Variants in NRXN3 observed in about 807,000 individuals in gnomAD.
NRXN3 encodes the protein neurexin III.
Under a neutral mutation model 137.6 loss-of-function variants are expected in NRXN3, and 32 were observed. The observed-to-expected ratio is 0.23, with a 90% CI of 0.18 to 0.31. NRXN3 has a LOEUF of 0.31. Among genes scored for constraint, NRXN3 ranks in the 10% least tolerant of loss-of-function variants. The pLI is 1.00. For missense variants in NRXN3, 1,574 were observed against 2,062.5 expected (o/e 0.76, Z 4.59); for synonymous variants, 798 against 784.5 (o/e 1.02, Z -0.29).
At chr14:79,366,930 C>A (rs1225662746) in intron 15 of NRXN3, among the ~76,000 whole-genome samples, 1 of 148,158 alleles carries the variant, frequency 6.7e-6, no homozygotes, top group Admixed American at 6.7e-5. Flanking sequence ...TTTTTAAAAT[C>A]TTTTTCAATT....
chr14:78,983,492 C>T lies in NRXN3; in HGVS notation c.3143-4530C>T, dbSNP rs114022610. Reference sequence around the variant, plus strand: ...TTTGATTGGGGTATTTGTTTTCTTACTATTGAGTTGTTTGAGTTTCTTACA... The same window carrying T: ...TTTGATTGGGGTATTTGTTTTCTTATTATTGAGTTGTTTGAGTTTCTTACA... On this transcript the variant is annotated intron_variant, in intron 14 of 20. Transcript: ENST00000335750. 8.2e-3 allele frequency among the ~76,000 whole-genome samples: 1,254 copies of T among 152,130 alleles called. 12 individuals carry two copies. The highest frequency in any genetic ancestry group is 0.028 in the African/African-American group (1,181 of 41,514).
intron 1 of NRXN3, among the ~76,000 whole-genome samples, chr14:78,179,852 T>TTTTTTTTTTTTTG (rs2059655828): frequency 6.7e-6 from 1 of 149,738 alleles, no homozygotes; most frequent in Non-Finnish European, 1.5e-5. Flanking sequence ...GTTTTTTTTT[T>TTTTTTTTTTTTTG]TTTCTTGTTT....
intron 4 of NRXN3, among the ~76,000 whole-genome samples, chr14:78,541,867 G>T (rs563012838): frequency 6.6e-6 from 1 of 152,234 alleles, no homozygotes; most frequent in Admixed American, 6.5e-5. Flanking sequence ...CCTTCTAACA[G>T]TCTGGTCCCT....
At chr14:79,812,094 A>G (rs1017365689) in intron 20 of NRXN3, among the ~76,000 whole-genome samples, 2 of 152,160 alleles carry the variant, frequency 1.3e-5, no homozygotes, top group African/African-American at 4.8e-5. Context: ...TAGATCGACT[A>G]TTGTGGATTT....
intron 20 of NRXN3, among the ~76,000 whole-genome samples, chr14:79,835,687 G>C (rs1311151348): frequency 6.6e-6 from 1 of 152,182 alleles, no homozygotes; most frequent in Non-Finnish European, 1.5e-5. Flanking sequence ...CTGGATGAAA[G>C]ATATTTGTGG....
At chr14:79,015,702 C>A (rs1051571117) in intron 15 of NRXN3, among the ~76,000 whole-genome samples, 3 of 152,164 alleles carry the variant, frequency 2.0e-5, no homozygotes, top group Admixed American at 2.0e-4. Context: ...GAAATTATGA[C>A]ACAGAAAGAC....
At chr14:78,188,136 G>A (rs1038433677) in intron 1 of NRXN3, among the ~76,000 whole-genome samples, 3 of 152,156 alleles carry the variant, frequency 2.0e-5, no homozygotes, top group Non-Finnish European at 4.4e-5. Context: ...GCTAGTAAGT[G>A]TTACATCCGG....
intron 17 of NRXN3, among the ~76,000 whole-genome samples, chr14:79,674,872 T>A (rs1282353909): frequency 6.6e-6 from 1 of 152,052 alleles, no homozygotes; most frequent in Non-Finnish European, 1.5e-5. Flanking sequence ...AAATCTTCAT[T>A]CCAAATGCCT....
intron 4 of NRXN3, among the ~76,000 whole-genome samples, chr14:78,304,468 G>C (rs1390747726): frequency 6.6e-6 from 1 of 152,204 alleles, no homozygotes; most frequent in African/African-American, 2.4e-5. Context: ...CGTTGGGCAG[G>C]ACATGGCCAG....
chr14:78,250,869 A>G (rs1490497785), intron 2 of NRXN3, among the ~76,000 whole-genome samples: 1 of 152,158 alleles, frequency 6.6e-6, no homozygotes, highest in African/African-American at 2.4e-5. Context: ...CTGGATGCGG[A>G]TGATAAGCAA....
At chr14:79,659,260 G>A (rs527371663) in intron 16 of NRXN3, among the ~76,000 whole-genome samples, 27 of 151,420 alleles carry the variant, frequency 1.8e-4, no homozygotes, top group African/African-American at 5.1e-4. Context: ...ACTTGTTTTT[G>A]TTTTTAATAT....
At chr14:79,844,208 A>T (rs971251522) in intron 20 of NRXN3, among the ~76,000 whole-genome samples, 2 of 151,726 alleles carry the variant, frequency 1.3e-5, no homozygotes, top group Non-Finnish European at 2.9e-5. Flanking sequence ...TATTTCCACC[A>T]TATCTTCAGT....
intron 19 of NRXN3, among the ~76,000 whole-genome samples, chr14:79,785,659 A>C (rs1326982342): frequency 6.6e-6 from 1 of 151,942 alleles, no homozygotes; most frequent in African/African-American, 2.4e-5. Context: ...TTACCTACTT[A>C]ATTATAAGCT....
At chr14:78,735,093 G>A (rs2098535518) in intron 8 of NRXN3, among the ~76,000 whole-genome samples, 1 of 152,118 alleles carries the variant, frequency 6.6e-6, no homozygotes, top group Non-Finnish European at 1.5e-5. Flanking sequence ...TTGGACTAGG[G>A]CATTGACCAG....
chr14:78,511,905 T>C (rs146483782), intron 4 of NRXN3, among the ~76,000 whole-genome samples: 1 of 152,248 alleles, frequency 6.6e-6, no homozygotes, highest in East Asian at 1.9e-4. Flanking sequence ...CATCAGTCTG[T>C]TAGGGTTAAG....
intron 15 of NRXN3, among the ~76,000 whole-genome samples, chr14:79,297,195 T>C (rs2084330844): frequency 6.6e-6 from 1 of 152,240 alleles, no homozygotes; most frequent in African/African-American, 2.4e-5. Flanking sequence ...AACTCTCTCC[T>C]GTTGCTCATT....
chr14:79,003,865 A>G (rs984680659), intron 15 of NRXN3, among the ~76,000 whole-genome samples: 5 of 152,208 alleles, frequency 3.3e-5, no homozygotes, highest in African/African-American at 1.2e-4. Context: ...TTTGATAATC[A>G]GTTCCAATGA....
At chr14:78,843,411 A>G (rs139099609) in intron 10 of NRXN3, among the ~76,000 whole-genome samples, 66 of 152,250 alleles carry the variant, frequency 4.3e-4, no homozygotes, top group Non-Finnish European at 8.1e-4. Context: ...CTTTGGCTCC[A>G]TGTATAGCAA....
intron 10 of NRXN3, among the ~76,000 whole-genome samples, chr14:78,896,162 A>G (rs893882394): frequency 6.6e-6 from 1 of 151,886 alleles, no homozygotes; most frequent in Non-Finnish European, 1.5e-5. Context: ...AAAGTGAAGC[A>G]CAAAAAAACT....
Sources: allele counts gnomAD v4.1 joint callset (sites outside exome capture counted in the v4.1 genomes callset), GRCh38; gene constraint gnomAD v4.1.1; transcripts MANE v1.5; gene names NCBI Gene and HGNC (gene_info 2026-07-23, HGNC 2026-07-21).